The following ASTN2 variants were observed in gnomAD, a reference collection of about 807,000 sequenced individuals.
The protein encoded by ASTN2 is astrotactin 2, also known as astrotactin-2.
In ASTN2, 54 loss-of-function variants were observed where a neutral mutation model predicts 139.8. That is an observed-to-expected ratio of 0.39 (90% CI 0.31 to 0.48). The LOEUF is 0.48. ASTN2 is among the 20% of genes least tolerant of loss of function. The probability of loss-of-function intolerance (pLI) is 0.95; values close to 1 mark genes in which losing one functional copy is unlikely to be tolerated. For synonymous variants in ASTN2, 756 were observed against 719.5 expected, an observed-to-expected ratio of 1.05 and a Z score of -0.81; for missense variants, 1,565 against 1,725.1, an observed-to-expected ratio of 0.91 and a Z score of 1.64.
At chr9:116,790,966 G>GGAAGGAAAGAAAGAAAGAAAGAAA (rs1830520531) in intron 13 of ASTN2, among the ~76,000 whole-genome samples, 1 of 65,818 alleles carries the variant, frequency 1.5e-5, no homozygotes, top group African/African-American at 5.8e-5. Flanking sequence ...AAAGAAAGAA[G>GGAAGGAAAGAAAGAAAGAAAGAAA]GAAAGAAAGA....
In ASTN2 at chr9:116,693,758, C is replaced by G. The variant is rs542781629; in HGVS notation, c.2806+32013G>C. ...TAGCTGGCAGAAAATGGGCAGCTTA[C>G]TTAAAGATTTGGAATGATAAGACAA... On this transcript the variant is annotated intron_variant, in intron 16 of 22. Coordinates refer to ENST00000313400, the MANE Select transcript of ASTN2 (RefSeq NM_001365068.1). Among the ~76,000 whole-genome samples, 12 of 152,282 alleles carry G rather than the reference C, an allele frequency of 7.9e-5. No individual in the cohort carries two copies. In the South Asian group the frequency reaches 2.5e-3, roughly 32 times the overall value.
At position 116,791,049 on chromosome 9, in the gene ASTN2, A is replaced by C. The variant is rs938809147; in HGVS notation, c.2396+14583T>G. The stretch of plus-strand genomic sequence containing the variant: ...AAAGAAAGAAAGAAAGAAAGAAAAG[A>C]AAAGAAAGAAAGAAGGAAAGGTCTC... On this transcript the variant is annotated intron_variant, in intron 13 of 22. Coordinates refer to ENST00000313400, the MANE Select transcript of ASTN2 (RefSeq NM_001365068.1). 4.7e-5 allele frequency among the ~76,000 whole-genome samples: 7 copies of C among 149,312 alleles called. No homozygotes were observed. The South Asian group carries it at 1.1e-3, about 23-fold the overall frequency.
intron 22 of ASTN2, among the ~76,000 whole-genome samples, chr9:116,432,287 T>C (rs1191314882): frequency 6.6e-6 from 1 of 152,232 alleles, no homozygotes; most frequent in Non-Finnish European, 1.5e-5. Context: ...AGTCATGTTT[T>C]CCCATTTGCT....
chr9:117,130,605 A>C (rs1829804905), intron 4 of ASTN2, among the ~76,000 whole-genome samples: 1 of 152,190 alleles, frequency 6.6e-6, no homozygotes, highest in African/African-American at 2.4e-5. Context: ...TTTTTTAAAA[A>C]GTATATTTTG....
chr9:116,981,129 A>G (rs1333267948), intron 7 of ASTN2, among the ~76,000 whole-genome samples: 2 of 152,238 alleles, frequency 1.3e-5, no homozygotes, highest in Non-Finnish European at 2.9e-5. Context: ...GCCTATGCCA[A>G]TGGAATAGGA....
At chr9:117,112,603 T>C (rs1829277856) in intron 4 of ASTN2, among the ~76,000 whole-genome samples, 1 of 152,154 alleles carries the variant, frequency 6.6e-6, no homozygotes, top group South Asian at 2.1e-4. Flanking sequence ...CATATACACA[T>C]ATTAACTCAA....
intron 6 of ASTN2, among the ~76,000 whole-genome samples, chr9:117,022,283 C>T (rs1279446207): frequency 1.3e-5 from 2 of 152,104 alleles, no homozygotes; most frequent in Non-Finnish European, 1.5e-5. Context: ...CCTGGCGCTT[C>T]AGCCAGCAAG....
chr9:116,519,255 G>A (rs550320022), intron 19 of ASTN2, among the ~76,000 whole-genome samples: 1 of 151,884 alleles, frequency 6.6e-6, no homozygotes, highest in Admixed American at 6.6e-5. Flanking sequence ...CATATGATAG[G>A]CCACAAAACA....
chr9:116,979,256 A>G (rs573512297), intron 7 of ASTN2, among the ~76,000 whole-genome samples: 1 of 152,230 alleles, frequency 6.6e-6, no homozygotes, highest in African/African-American at 2.4e-5. Flanking sequence ...AATATTCAGA[A>G]TGAGGTTGTT....
At chr9:116,693,233 T>C (rs145721012) in intron 16 of ASTN2, among the ~76,000 whole-genome samples, 2 of 152,190 alleles carry the variant, frequency 1.3e-5, no homozygotes, top group African/African-American at 4.8e-5. Flanking sequence ...ACAGTACTCT[T>C]TTTATAAACT....
chr9:116,671,002 G>A (rs1318883841), intron 16 of ASTN2, among the ~76,000 whole-genome samples: 2 of 152,104 alleles, frequency 1.3e-5, no homozygotes, highest in Non-Finnish European at 2.9e-5. Flanking sequence ...AAATGTATCT[G>A]CACAAGGACA....
intron 11 of ASTN2, among the ~76,000 whole-genome samples, chr9:116,859,789 A>G (rs1832830715): frequency 6.6e-6 from 1 of 152,244 alleles, no homozygotes; most frequent in Non-Finnish European, 1.5e-5. Flanking sequence ...TATATAGCAC[A>G]GGTTGACAGC....
chr9:116,994,954 A>G (rs1362165539), intron 7 of ASTN2, among the ~76,000 whole-genome samples: 1 of 152,178 alleles, frequency 6.6e-6, no homozygotes, highest in African/African-American at 2.4e-5. Flanking sequence ...ATTACCCTCC[A>G]AGGATTGCCA....
chr9:117,391,382 T>C (rs1830536672), intron 1 of ASTN2, among the ~76,000 whole-genome samples: 1 of 152,164 alleles, frequency 6.6e-6, no homozygotes, highest in Non-Finnish European at 1.5e-5. Flanking sequence ...CTCACAGTTA[T>C]GTCAGACGGC....
At chr9:117,272,923 C>A (rs1834100357) in intron 2 of ASTN2, among the ~76,000 whole-genome samples, 1 of 152,228 alleles carries the variant, frequency 6.6e-6, no homozygotes, top group African/African-American at 2.4e-5. Context: ...CTGTTCCAAT[C>A]TCTGCCTGTT....
intron 2 of ASTN2, among the ~76,000 whole-genome samples, chr9:117,215,569 G>A (rs980010649): frequency 6.6e-6 from 1 of 151,584 alleles, no homozygotes; most frequent in Admixed American, 6.6e-5. Context: ...TTTGAAATAA[G>A]CTAATGTGTT....
At chr9:117,010,149 C>T (rs1016138856) in intron 6 of ASTN2, among the ~76,000 whole-genome samples, 4 of 152,072 alleles carry the variant, frequency 2.6e-5, no homozygotes, top group Admixed American at 6.6e-5. Context: ...CAAGTTGGCC[C>T]TAAAGTCCTT....
chr9:116,839,386 C>T (rs1279656790), intron 11 of ASTN2, among the ~76,000 whole-genome samples: 2 of 151,970 alleles, frequency 1.3e-5, no homozygotes, highest in Admixed American at 1.3e-4. Flanking sequence ...ATAAAATTTA[C>T]TCATTTAAGT....
intron 10 of ASTN2, among the ~76,000 whole-genome samples, chr9:116,885,318 T>G (rs544867640): frequency 6.6e-6 from 1 of 152,156 alleles, no homozygotes; most frequent in South Asian, 2.1e-4. Flanking sequence ...AACAAAATAT[T>G]AAAGGTACCC....
Sources: allele counts gnomAD v4.1 joint callset (sites outside exome capture counted in the v4.1 genomes callset), GRCh38; gene constraint gnomAD v4.1.1; transcripts MANE v1.5; gene names NCBI Gene and HGNC (gene_info 2026-07-23, HGNC 2026-07-21).